The following EXOC6B variants were observed in gnomAD, a reference collection of about 807,000 sequenced individuals.
EXOC6B encodes exocyst complex component 6B, also known as SEC15 homolog B.
EXOC6B carries 54 observed loss-of-function variants against 113.5 expected under a neutral mutation model. That is an observed-to-expected ratio of 0.48 (90% CI 0.38 to 0.60). The LOEUF (loss-of-function observed/expected upper bound fraction) is 0.60. Among genes scored for constraint, EXOC6B ranks in the 20% least tolerant of loss-of-function variants. The pLI is 0.00. For synonymous variants in EXOC6B, 357 were observed against 339.0 expected (o/e 1.05, Z -0.58); for missense variants, 797 against 977.5 (o/e 0.82, Z 2.46).
chr2:72,490,849 A>C (rs10451658), intron 16 of EXOC6B, among the ~76,000 whole-genome samples: 101 of 152,300 alleles, frequency 6.6e-4, no homozygotes, highest in African/African-American at 2.2e-3. Context: ...GCTCAGCCAG[A>C]ACTGAACCCA....
chr2:72,270,402 C>G (rs554468430), intron 20 of EXOC6B, among the ~76,000 whole-genome samples: 5 of 152,126 alleles, frequency 3.3e-5, no homozygotes, highest in African/African-American at 1.2e-4. Context: ...TCTCACTTCT[C>G]TCTATAATAG....
At chr2:72,580,135 ATTTTT>A (rs1205164863) in intron 6 of EXOC6B, among the ~76,000 whole-genome samples, 1 of 93,764 alleles carries the variant, frequency 1.1e-5, no homozygotes, top group Non-Finnish European at 2.1e-5. Flanking sequence ...AGAAATAAGA[ATTTTT>A]TTTTTTTTTT....
At chr2:72,271,669 C>A (rs1684492606) in intron 20 of EXOC6B, among the ~76,000 whole-genome samples, 1 of 152,078 alleles carries the variant, frequency 6.6e-6, no homozygotes, top group Non-Finnish European at 1.5e-5. Context: ...AGCCTGTTTA[C>A]CTCTAGAGAA....
At chr2:72,781,938 A>G (rs920677226) in intron 1 of EXOC6B, among the ~76,000 whole-genome samples, 7 of 152,058 alleles carry the variant, frequency 4.6e-5, no homozygotes, top group Admixed American at 2.0e-4. Context: ...CAGGAGTTTG[A>G]GACAAGCCTG....
chr2:72,340,460 A>C (rs953367769), intron 19 of EXOC6B, among the ~76,000 whole-genome samples: 1 of 152,144 alleles, frequency 6.6e-6, no homozygotes. Context: ...TTGGGAGAAA[A>C]AATAACTTGT....
At chr2:72,239,328 C>A (rs942444685) in intron 20 of EXOC6B, among the ~76,000 whole-genome samples, 3 of 152,160 alleles carry the variant, frequency 2.0e-5, no homozygotes, top group Non-Finnish European at 4.4e-5. Flanking sequence ...ACATTTAGGT[C>A]TTTGATACAC....
At chr2:72,623,736 A>C (rs1443578560) in intron 6 of EXOC6B, among the ~76,000 whole-genome samples, 1 of 152,188 alleles carries the variant, frequency 6.6e-6, no homozygotes, top group African/African-American at 2.4e-5. Flanking sequence ...ATAACCTCAG[A>C]TTAAATATCT....
At chr2:72,741,545 C>A in intron 1 of EXOC6B, 76 bp from the exon 2 acceptor site, 6 of 1,356,412 alleles carry the variant, frequency 4.4e-6, no homozygotes, top group Non-Finnish European at 6.0e-6. Flanking sequence ...AATCCAGAAG[C>A]AAATTTAGGG....
chr2:72,762,592 A>C (rs1408519245), intron 1 of EXOC6B, among the ~76,000 whole-genome samples: 2 of 152,212 alleles, frequency 1.3e-5, no homozygotes, highest in East Asian at 3.9e-4. Context: ...AAACATATCA[A>C]TCAACAAAGC....
rs181039711 is a variant in EXOC6B at position 72,335,595 on chromosome 2, C to T, written c.2123-575G>A. On this transcript the variant is annotated intron_variant, in intron 19 of 21. Transcript: ENST00000272427. ...ACACACACACACACACACACACACA[C>T]GCATCCCAGAAGCAGAGGCTATCCC... Among the ~76,000 whole-genome samples, 114 of 132,120 alleles carry T rather than the reference C, an allele frequency of 8.6e-4. 1 individual carries two copies. In the East Asian group the frequency reaches 0.017, roughly 20 times the overall value. 86.7% of individuals were successfully genotyped at this position (132,120 alleles called of 152,430 possible). A position where few individuals can be genotyped will look rare whatever the true frequency, so the allele number is the denominator to read the frequency against.
At chr2:72,584,055 A>G (rs754687121) in intron 6 of EXOC6B, among the ~76,000 whole-genome samples, 6 of 152,072 alleles carry the variant, frequency 3.9e-5, no homozygotes, top group Non-Finnish European at 8.8e-5. Context: ...GAAACAAAAG[A>G]ACAATACCTG....
intron 18 of EXOC6B, among the ~76,000 whole-genome samples, chr2:72,384,820 G>A (rs892816463): frequency 6.6e-6 from 1 of 151,896 alleles, no homozygotes; most frequent in Non-Finnish European, 1.5e-5. Context: ...TAAAATATTT[G>A]TATATTTAAA....
At chr2:72,804,064 A>G (rs571631104) in intron 1 of EXOC6B, among the ~76,000 whole-genome samples, 12 of 152,324 alleles carry the variant, frequency 7.9e-5, no homozygotes, top group African/African-American at 2.9e-4. Context: ...TTTACAAGTT[A>G]TTAGTGATAA....
intron 8 of EXOC6B, among the ~76,000 whole-genome samples, chr2:72,558,561 G>C (rs1703705032): frequency 6.6e-6 from 1 of 152,158 alleles, no homozygotes; most frequent in African/African-American, 2.4e-5. Flanking sequence ...CCTGAGGTCA[G>C]GAGTTCAAGA....
At chr2:72,643,515 A>G (rs1027174175) in intron 6 of EXOC6B, among the ~76,000 whole-genome samples, 1 of 149,032 alleles carries the variant, frequency 6.7e-6, no homozygotes, top group Non-Finnish European at 1.5e-5. Context: ...TCGCAAGAAC[A>G]AAAAACCAAA....
intron 20 of EXOC6B, among the ~76,000 whole-genome samples, chr2:72,197,265 A>C (rs1413596532): frequency 1.3e-5 from 2 of 152,218 alleles, no homozygotes; most frequent in African/African-American, 4.8e-5. Context: ...AAAGGTTAAA[A>C]GAATGGGCCA....
rs1337810875 is a variant in EXOC6B, at chr2:72,612,685, C to T, written c.670-37017G>A. Among the ~76,000 whole-genome samples, 3 of 152,164 alleles carry T rather than the reference C, an allele frequency of 2.0e-5. No individual in the cohort carries two copies. The East Asian group carries it at 5.8e-4, about 29-fold the overall frequency. On this transcript the variant is annotated intron_variant, in intron 6 of 21. Transcript: ENST00000272427. ...AGGTTAAAAGCTACAACTGGATTTG[C>T]GTGCCTGAGCAGAAAGACAGAAGAG...
chr2:72,279,672 G>A (rs1026889558), intron 20 of EXOC6B, among the ~76,000 whole-genome samples: 1 of 151,850 alleles, frequency 6.6e-6, no homozygotes, highest in Admixed American at 6.6e-5. Flanking sequence ...GGAGTACAAT[G>A]GTGTGATCTC....
At chr2:72,428,383 C>A (rs755512102) in intron 18 of EXOC6B, among the ~76,000 whole-genome samples, 10 of 152,184 alleles carry the variant, frequency 6.6e-5, no homozygotes, top group Non-Finnish European at 1.5e-4. Flanking sequence ...CTTCTGGGTG[C>A]CACCACATTC....
Sources: gnomAD v4.1 joint callset for allele counts (sites outside exome capture counted in the v4.1 genomes callset) on GRCh38, gnomAD v4.1.1 for gene constraint, MANE v1.5 for transcripts, NCBI Gene and HGNC (gene_info 2026-07-23, HGNC 2026-07-21) for gene names.